Variants in C14orf39 observed in about 807,000 individuals in gnomAD.
The protein encoded by C14orf39 is protein SIX6OS1.
In C14orf39, 66 loss-of-function variants were observed where a neutral mutation model predicts 85.6. The ratio of observed to expected loss-of-function variants is 0.77; its 90% confidence interval spans 0.63 to 0.95. C14orf39 has a LOEUF of 0.95. Ranked by LOEUF, C14orf39 falls within the 40% of genes least tolerant of loss-of-function variation. C14orf39 has a pLI of 0.00. For missense variants in C14orf39, 735 were observed against 663.9 expected, an observed-to-expected ratio of 1.11 and a Z score of -1.18; for synonymous variants, 242 against 214.0, an observed-to-expected ratio of 1.13 and a Z score of -1.14.
upstream of C14orf39, among the ~76,000 whole-genome samples, chr14:60,488,484 A>G (rs1171060736): frequency 6.6e-6 from 1 of 152,170 alleles, no homozygotes; most frequent in Non-Finnish European, 1.5e-5. Flanking sequence ...ACTCAGATAA[A>G]CATTTATCTT....
chr14:60,442,098 G>A lies in C14orf39; in HGVS notation c.1537C>T (p.Pro513Ser), dbSNP rs1314714821. The A allele has an allele frequency of 6.2e-7, 1 of 1,609,958 alleles. No homozygotes were observed. Among genetic ancestry groups the A allele is most frequent in the East Asian group, 2.2e-5 (1 of 44,658 alleles). Residue 513 changes from proline (P) to serine (S), a missense_variant, in exon 17 of 18, where the codon CCT becomes TCT. Pro to Ser is a moderately conservative substitution (Grantham distance 74, BLOSUM62 -1). Coordinates refer to ENST00000321731, the MANE Select transcript of C14orf39 (RefSeq NM_174978.3). ...CCAATCTCTTGCTCTGATGACAGAG[G>A]ATTTAGATTTCTTGCAGAATAATGT... ...NEHYSARNLN[P>S]LSSEQEIGNL...
In C14orf39 at chr14:60,474,436, T is replaced by C. The variant is rs8008856; in HGVS notation, c.324-2697A>G. ...GCCCTGGCCAGAACTTCCAACACTA[T>C]GTTGAATAGGAGTGGTGAGAGAGGG... On this transcript the variant is annotated intron_variant, in intron 5 of 17. Coordinates refer to ENST00000321731, the MANE Select transcript of C14orf39 (RefSeq NM_174978.3). Among the ~76,000 whole-genome samples the C allele has an allele frequency of 3.7e-3, 157 of 42,384 alleles. 52 individuals carry two copies. The Middle Eastern group carries it at 0.092, about 25-fold the overall frequency. 27.8% of individuals were successfully genotyped at this position (42,384 alleles called of 152,430 possible).
chr14:60,485,224 C>A, intron 1 of C14orf39, 138 bp from the exon 2 acceptor site: 1 of 707,850 alleles, frequency 1.4e-6, no homozygotes, highest in Non-Finnish European at 2.3e-6. Context: ...ACGAGAGGCC[C>A]CCTTGAGCCC....
chr14:60,455,379 T>C (rs1441256873), intron 15 of C14orf39, among the ~76,000 whole-genome samples: 4 of 152,006 alleles, frequency 2.6e-5, no homozygotes, highest in African/African-American at 9.7e-5. Flanking sequence ...ATGAAATAGG[T>C]ACTATTACTA....
chr14:60,456,535 C>A (rs1891287382), intron 15 of C14orf39, among the ~76,000 whole-genome samples: 1 of 151,612 alleles, frequency 6.6e-6, no homozygotes, highest in African/African-American at 2.4e-5. Context: ...GGACTACAGG[C>A]ACATGCCACT....
At chr14:60,466,286 C>G (rs1158634035) in intron 10 of C14orf39, among the ~76,000 whole-genome samples, 1 of 151,846 alleles carries the variant, frequency 6.6e-6, no homozygotes, top group East Asian at 1.9e-4. Context: ...CAAAACTGTA[C>G]CTTTATAATG....
chr14:60,450,619 G>T (rs1413316265), intron 16 of C14orf39, among the ~76,000 whole-genome samples: 2 of 152,202 alleles, frequency 1.3e-5, no homozygotes, highest in Admixed American at 6.5e-5. Flanking sequence ...CACAAATCTG[G>T]CTGGCTTCAC....
rs113930529 is a variant in C14orf39 at position 60,458,849 on chromosome 14, A to C, written c.1118-110T>G. ...TATTTAGCTGTTTTAACCTACAAAA[A>C]TGGCAACTTCATATGGTTCAACATA... On this transcript the variant is annotated intron_variant, in intron 13 of 17. Coordinates refer to ENST00000321731, the MANE Select transcript of C14orf39 (RefSeq NM_174978.3). 4.8e-4 allele frequency: 375 copies of C among 784,040 alleles called. 4 individuals are homozygous for C. Among genetic ancestry groups the C allele is most frequent in the Middle Eastern group, 3.4e-3 (13 of 3,782 alleles). 48.6% of individuals were successfully genotyped at this position (784,040 alleles called of 1,614,324 possible).
Position 60,484,937 on chromosome 14 carries a change from A to G in C14orf39, c.50T>C (p.Val17Ala). ...ACTTATGTCTTGCTCATACTGGAAGACTAAAATAAATAATTATCTTGTGAC... is the reference window on the plus strand; with the variant it reads ...ACTTATGTCTTGCTCATACTGGAAGGCTAAAATAAATAATTATCTTGTGAC... ...VSLDRLLLEF[V>A]FQYEQDISTK... The change falls in exon 3 of 18, where the codon GTC becomes GCC. Residue 17 changes from valine (V) to alanine (A), a missense_variant and splice_region_variant. Val to Ala is a moderately conservative substitution (Grantham distance 64). Coordinates refer to ENST00000321731, the MANE Select transcript of C14orf39 (RefSeq NM_174978.3). This position sits in a 1 kb window ranked among gnomAD's most constrained non-coding sequence, Gnocchi z 4.2. The G allele has an allele frequency of 6.4e-7, 1 of 1,573,870 alleles. No individual in the cohort carries two copies. Among genetic ancestry groups the G allele is most frequent in the Non-Finnish European group, 8.6e-7 (1 of 1,158,304 alleles).
chr14:60,464,814 T>C (rs1891707155), intron 11 of C14orf39, among the ~76,000 whole-genome samples: 1 of 152,120 alleles, frequency 6.6e-6, no homozygotes, highest in East Asian at 1.9e-4. Flanking sequence ...TAATGGGAGT[T>C]TAAACCAGTC....
upstream of C14orf39, among the ~76,000 whole-genome samples, chr14:60,489,318 AT>A (rs1243253299): frequency 2.0e-5 from 3 of 152,214 alleles, no homozygotes; most frequent in East Asian, 5.8e-4. Flanking sequence ...TGGATCTGTC[AT>A]TTGTTAAGTC....
At chr14:60,456,848 A>G (rs994377155) in intron 15 of C14orf39, 69 bp downstream of exon 15, 6 of 1,342,232 alleles carry the variant, frequency 4.5e-6, no homozygotes, top group Non-Finnish European at 6.1e-6. Flanking sequence ...GCATTTTACT[A>G]TTCCTATCAG....
chr14:60,455,147 T>C lies in C14orf39; in HGVS notation c.1359-2A>G, dbSNP rs772077922. On this transcript the variant is annotated splice_acceptor_variant, in intron 15 of 17. Transcript: ENST00000321731. LOFTEE classifies it high-confidence loss of function. ...GGTACTGCATTTCTATTTCTGTTAC[T>C]GAGAAATAAGAAATTATCAAAATGT... 6.5e-7 allele frequency: 1 copy of C among 1,541,786 alleles called. No homozygotes were observed. The highest frequency in any genetic ancestry group is 8.7e-7 in the Non-Finnish European group (1 of 1,148,298).
chr14:60,509,270 C>A (rs1261849669), intron 1 of C14orf39: 6 of 818,148 alleles, frequency 7.3e-6, no homozygotes, highest in Non-Finnish European at 1.2e-5. Context: ...CCGCCGCCAC[C>A]CGGTAGTGTG....
chr14:60,508,074 A>G (rs930753734), intron 1 of C14orf39, among the ~76,000 whole-genome samples: 14 of 152,152 alleles, frequency 9.2e-5, no homozygotes, highest in Non-Finnish European at 7.4e-5. Flanking sequence ...GGAGGGGTCA[A>G]TAATCAGCGG....
chr14:60,456,848 A>T, intron 15 of C14orf39, 69 bp downstream of exon 15: 1 of 1,342,232 alleles, frequency 7.5e-7, no homozygotes, highest in Non-Finnish European at 1.0e-6. Context: ...GCATTTTACT[A>T]TTCCTATCAG....
In C14orf39 at chr14:60,455,132, T is replaced by C. The variant is rs1364841387; in HGVS notation, c.1372A>G (p.Asn458Asp). The C allele has an allele frequency of 1.3e-6, 2 of 1,559,528 alleles. No homozygotes were observed. The highest frequency in any genetic ancestry group is 4.5e-5 in the Admixed American group (2 of 44,830). ...TCTGTTTGAACTTCAGGTACTGCAT[T>C]TCTATTTCTGTTACTGAGAAATAAG... ...TPPFEINRNR[N>D]AVPEVQTEKE... The change falls in exon 16 of 18, where the codon AAT (asparagine) becomes GAT (aspartate). Residue 458 changes from asparagine (N) to aspartate (D), a missense_variant. By Grantham distance (23) the Asn-to-Asp change is conservative (BLOSUM62 1). Coordinates refer to ENST00000321731, the MANE Select transcript of C14orf39 (RefSeq NM_174978.3).
chr14:60,482,869 T>A (rs1892700702), intron 4 of C14orf39, among the ~76,000 whole-genome samples: 1 of 119,958 alleles, frequency 8.3e-6, no homozygotes. Context: ...GAAATACAGC[T>A]ATATAGACAG....
At chr14:60,500,384 G>T (rs1893125284) in intron 1 of C14orf39, among the ~76,000 whole-genome samples, 1 of 152,148 alleles carries the variant, frequency 6.6e-6, no homozygotes, top group Non-Finnish European at 1.5e-5. Context: ...AGTCTTTTTG[G>T]ATGGAAATTT....
Sources: allele counts gnomAD v4.1 joint callset (sites outside exome capture counted in the v4.1 genomes callset), GRCh38; gene constraint gnomAD v4.1.1; non-coding constraint Gnocchi (gnomAD v3.1); transcripts MANE v1.5; gene names NCBI Gene and HGNC (gene_info 2026-07-23, HGNC 2026-07-21).